RBL1: variants seen among roughly 807,000 people sequenced by gnomAD.
RBL1 encodes RB transcriptional corepressor like 1, also known as retinoblastoma-like protein 1.
A neutral mutation model predicts 123.0 loss-of-function variants in RBL1; 82 were observed. The observed-to-expected ratio is 0.67, with a 90% confidence interval of 0.56 to 0.80. RBL1 has a LOEUF of 0.80. RBL1 is among the 30% of genes least tolerant of loss of function. The pLI is 0.00. For missense variants in RBL1, 1,171 were observed against 1,299.6 expected, an observed-to-expected ratio of 0.90 and a Z score of 1.52; for synonymous variants, 405 against 441.3, an observed-to-expected ratio of 0.92 and a Z score of 1.03.
chr20:37,038,779 T>C (rs1481321711), intron 14 of RBL1, among the ~76,000 whole-genome samples: 1 of 151,590 alleles, frequency 6.6e-6, no homozygotes, highest in East Asian at 1.9e-4. Flanking sequence ...ATTTTTGTGT[T>C]TTTGGTAGAG....
intron 11 of RBL1, among the ~76,000 whole-genome samples, chr20:37,051,014 G>GTT (rs552033092): frequency 7.9e-5 from 12 of 151,052 alleles, no homozygotes; most frequent in Non-Finnish European, 1.2e-4. Context: ...CTTTTTTTAA[G>GTT]TTTTTTTTTG....
chr20:37,000,686 T>C (rs1202911714), intron 21 of RBL1, among the ~76,000 whole-genome samples: 2 of 96,810 alleles, frequency 2.1e-5, no homozygotes, highest in African/African-American at 8.7e-5. Context: ...GAGGAGCCCC[T>C]CTGCCCGGCC....
At position 37,038,598 on chromosome 20, in the gene RBL1, C is replaced by CTT. The variant is rs1185859018; in HGVS notation, c.1903+1553_1903+1554dup. ...ACAGGAATGAGCCACTGTGCCTGGC[C>CTT]TTTTTTTTTTTTTTTTTTTTCTGAA... is the stretch of plus-strand genomic sequence containing the variant. On this transcript the variant is annotated intron_variant, in intron 14 of 21. Transcript: ENST00000373664. Among the ~76,000 whole-genome samples, 193 of 118,598 alleles carry CTT rather than the reference C, an allele frequency of 1.6e-3. 2 individuals carry two copies. Among genetic ancestry groups the CTT allele is most frequent in the Non-Finnish European group, 2.8e-3 (160 of 56,538 alleles). 77.8% of individuals were successfully genotyped at this position (118,598 alleles called of 152,430 possible).
chr20:37,076,815 A>C (rs1162984289), intron 2 of RBL1, among the ~76,000 whole-genome samples: 1 of 152,122 alleles, frequency 6.6e-6, no homozygotes, highest in Non-Finnish European at 1.5e-5. Flanking sequence ...ATTGTATACC[A>C]TTCCTTTTAT....
At chr20:37,082,003 C>T (rs754619678) in intron 2 of RBL1, 74 of 456,040 alleles carry the variant, frequency 1.6e-4, no homozygotes, top group Non-Finnish European at 3.0e-4. Flanking sequence ...TGTCAACTGG[C>T]CAGGAGACAT....
intron 14 of RBL1, among the ~76,000 whole-genome samples, chr20:37,038,474 T>A (rs184611512): frequency 7.4e-5 from 11 of 149,496 alleles, no homozygotes; most frequent in African/African-American, 2.2e-4. Flanking sequence ...CTAATTTTTG[T>A]ATTTTTAGTA....
In RBL1 at chr20:37,056,193, C is replaced by T. The variant is rs908481549; in HGVS notation, c.1316G>A (p.Cys439Tyr). The change falls in exon 10 of 22, where the codon TGT becomes TAT. Residue 439 changes from cysteine to tyrosine, a missense_variant. By Grantham distance (194) the Cys-to-Tyr change is radical. Transcript: ENST00000373664. ...ATCTGTTGATTGAGTATAGTGTTGA[C>T]AGAAAGTCTCTCCTATTCCTTTTAG... is the stretch of plus-strand genomic sequence containing the variant. ...KILKGIGETF[C>Y]QHYTQSTDEQ... 6.2e-7 allele frequency: 1 copy of T among 1,611,064 alleles called. No individual in the cohort carries two copies. The highest frequency in any genetic ancestry group is 1.3e-5 in the African/African-American group (1 of 74,944).
intron 12 of RBL1, among the ~76,000 whole-genome samples, chr20:37,046,649 C>T (rs1474331327): frequency 6.7e-6 from 1 of 149,680 alleles, no homozygotes; most frequent in African/African-American, 2.5e-5. Context: ...CTCCTGTCGT[C>T]TAGGCTGGAG....
Position 36,997,479 on chromosome 20 carries a change from T to C in RBL1, c.*1280A>G, listed in dbSNP as rs894832767. ...CAAAGTGTGGGAAGTAATAAGCAGC[T>C]ATTTTACTGATGTATTAAATATATT... On this transcript the variant is annotated 3_prime_UTR_variant, in exon 22 of 22. Transcript: ENST00000373664. 1.3e-5 allele frequency: 2 copies of C among 152,210 alleles called. No individual in the cohort carries two copies. Among genetic ancestry groups the C allele is most frequent in the African/African-American group, 4.8e-5 (2 of 41,460 alleles). The allele number at this position is 152,210 out of a possible 1,614,324, so 9.4% of individuals were successfully genotyped here. A position where few individuals can be genotyped will look rare whatever the true frequency, so the allele number is the denominator to read the frequency against.
intron 12 of RBL1, among the ~76,000 whole-genome samples, chr20:37,045,101 T>C (rs897686466): frequency 6.6e-6 from 1 of 150,858 alleles, no homozygotes; most frequent in African/African-American, 2.4e-5. Flanking sequence ...TATTTATTTA[T>C]TTATTTATTT....
At chr20:37,090,148 T>A (rs1272096136) in intron 1 of RBL1, among the ~76,000 whole-genome samples, 1 of 152,206 alleles carries the variant, frequency 6.6e-6, no homozygotes, top group Non-Finnish European at 1.5e-5. Flanking sequence ...GATACACACA[T>A]ACTCACCATT....
Position 37,040,287 on chromosome 20 carries a change from T to C in RBL1, c.1771-2A>G. Reference sequence around the variant, plus strand: ...TTCAAAGTTATTTGGGAATATAACCTGTAGAAAACAAAAACCCTTTGATTT... The same window carrying C: ...TTCAAAGTTATTTGGGAATATAACCCGTAGAAAACAAAAACCCTTTGATTT... On this transcript the variant is annotated splice_acceptor_variant, in intron 13 of 21. Transcript: ENST00000373664. LOFTEE classifies it high-confidence loss of function. 1 of 1,611,322 alleles carries C rather than the reference T, an allele frequency of 6.2e-7. No homozygotes were observed.
intron 2 of RBL1, among the ~76,000 whole-genome samples, chr20:37,071,258 A>G (rs1364899028): frequency 6.6e-6 from 1 of 152,206 alleles, no homozygotes; most frequent in Non-Finnish European, 1.5e-5. Context: ...CCTGGCCAAT[A>G]CTTATAATTT....
intron 2 of RBL1, among the ~76,000 whole-genome samples, chr20:37,082,693 G>A (rs2146327206): frequency 6.6e-6 from 1 of 152,258 alleles, no homozygotes; most frequent in South Asian, 2.1e-4. Context: ...CATTGTATTA[G>A]GTATAAATAA....
intron 16 of RBL1, among the ~76,000 whole-genome samples, chr20:37,032,330 A>G (rs1369551057): frequency 6.6e-6 from 1 of 152,196 alleles, no homozygotes; most frequent in Non-Finnish European, 1.5e-5. Context: ...ACAAACAAAT[A>G]TCGTATGACT....
intron 14 of RBL1, 34 bp downstream of exon 14, chr20:37,040,119 T>A (rs199775554): frequency 6.2e-7 from 1 of 1,605,204 alleles, no homozygotes. Context: ...TGCCCTTTGT[T>A]ACTTTTTCAT....
Position 36,998,796 on chromosome 20 carries a change from C to A in RBL1, c.3170G>T (p.Arg1057Leu). Residue 1057 changes from arginine to leucine, a missense_variant, in exon 22 of 22, where the codon CGA (arginine) becomes CTA (leucine). Coordinates refer to ENST00000373664, the MANE Select transcript of RBL1 (RefSeq NM_002895.5). Reference protein sequence around the residue: ...CQENDDVLLKRLQDVVSERAN... With the variant: ...CQENDDVLLKLLQDVVSERAN... ...TCTTTCACTGACAACATCCTGTAGT[C>A]GTTTCAGTAAAACGTCATCATTTTC... 1 of 1,613,442 alleles carries A rather than the reference C, an allele frequency of 6.2e-7. No homozygotes were observed. The highest frequency in any genetic ancestry group is 8.5e-7 in the Non-Finnish European group (1 of 1,179,738).
At chr20:37,057,943 T>C (rs2065034421) in intron 9 of RBL1, among the ~76,000 whole-genome samples, 1 of 151,684 alleles carries the variant, frequency 6.6e-6, no homozygotes, top group Non-Finnish European at 1.5e-5. Flanking sequence ...CTGACCAATA[T>C]GGTAAAACCC....
intron 21 of RBL1, among the ~76,000 whole-genome samples, chr20:37,000,808 G>A (rs1345719196): frequency 3.6e-5 from 5 of 138,784 alleles, no homozygotes; most frequent in Admixed American, 2.1e-4. Flanking sequence ...CGCCCCGTCC[G>A]GGAGGTGAGG....
Sources: allele counts gnomAD v4.1 joint callset (sites outside exome capture counted in the v4.1 genomes callset), GRCh38; gene constraint gnomAD v4.1.1; transcripts MANE v1.5; gene names NCBI Gene and HGNC (gene_info 2026-07-23, HGNC 2026-07-21).